The following ANKS6 variants were observed in gnomAD, a reference collection of about 807,000 sequenced individuals.
ANKS6 encodes ankyrin repeat and sterile alpha motif domain containing 6.
ANKS6 carries 47 observed loss-of-function variants against 77.9 expected under a neutral mutation model. The observed-to-expected ratio is 0.60, with a 90% CI of 0.48 to 0.77. The LOEUF (loss-of-function observed/expected upper bound fraction) is 0.77, where lower values mean the gene tolerates loss of function less well. Ranked by LOEUF, ANKS6 falls within the 30% of genes least tolerant of loss-of-function variation. The pLI is 0.00. For missense variants in ANKS6, 1,150 were observed against 1,159.1 expected (o/e 0.99, Z 0.11); for synonymous variants, 488 against 501.7 (o/e 0.97, Z 0.37).
At chr9:98,750,646 C>G (rs548665196) in intron 13 of ANKS6, among the ~76,000 whole-genome samples, 30 of 152,254 alleles carry the variant, frequency 2.0e-4, no homozygotes, top group Middle Eastern at 3.4e-3. Flanking sequence ...CTTTTAAACA[C>G]ATAGCAACTC....
In ANKS6 at chr9:98,790,308, C is replaced by T. The variant is rs200419394; in HGVS notation, c.658G>A (p.Ala220Thr). The part of the protein sequence containing the change: ...LMEWGADPNH[A>T]ARTVGWSPLM... ...GGGCTCCAGCCCACGGTCCGGGCTGCGTGGTTGGGGTCCGCGCCCCACTCC... is the reference window on the plus strand; with the variant it reads ...GGGCTCCAGCCCACGGTCCGGGCTGTGTGGTTGGGGTCCGCGCCCCACTCC... Residue 220 changes from alanine (A) to threonine (T), a missense_variant, in exon 2 of 15, where the codon GCA becomes ACA. By Grantham distance (58) the Ala-to-Thr change is moderately conservative. Transcript: ENST00000353234. The T allele has an allele frequency of 1.5e-3, 2,354 of 1,607,358 alleles. 11 individuals carry two copies. The highest frequency in any genetic ancestry group is 5.8e-3 in the African/African-American group (436 of 74,966).
At chr9:98,737,908 T>C (rs1201683171) in intron 14 of ANKS6, among the ~76,000 whole-genome samples, 2 of 152,108 alleles carry the variant, frequency 1.3e-5, no homozygotes, top group Non-Finnish European at 2.9e-5. Flanking sequence ...CGGAACAGAA[T>C]AGAGAACCCA....
rs779390616 is a variant in ANKS6, at chr9:98,732,567, G to C, written c.*3952C>G. On this transcript the variant is annotated 3_prime_UTR_variant, in exon 15 of 15. Transcript: ENST00000353234. ...ACCCAACCATGGCTACGTCAGGGCA[G>C]AAGGGAGAGAAGAAAGAGAGATGAG... is the stretch of plus-strand genomic sequence containing the variant. 4.5e-6 allele frequency: 7 copies of C among 1,550,464 alleles called. No individual in the cohort carries two copies. The African/African-American group carries it at 9.6e-5, about 21-fold the overall frequency.
chr9:98,793,316 G>T (rs766275573), intron 1 of ANKS6, among the ~76,000 whole-genome samples: 1 of 152,206 alleles, frequency 6.6e-6, no homozygotes, highest in Non-Finnish European at 1.5e-5. Context: ...CTCCCTAGGT[G>T]TGAATCTGAC....
chr9:98,791,602 C>G lies in ANKS6; in HGVS notation c.360-996G>C, dbSNP rs1293706537. The stretch of plus-strand genomic sequence containing the variant: ...CAAGCTGGAAGCGGCCCTGGACTAA[C>G]AAGAAAACAATGACAAGACAGGGGC... On this transcript the variant is annotated intron_variant, in intron 1 of 14. Transcript: ENST00000353234. The surrounding 1 kb of genome is among the most constrained non-coding windows in gnomAD (Gnocchi z 4.3). Among the ~76,000 whole-genome samples, 3 of 152,144 alleles carry G rather than the reference C, an allele frequency of 2.0e-5. No individual in the cohort carries two copies. The highest frequency in any genetic ancestry group is 4.4e-5 in the Non-Finnish European group (3 of 68,028).
chr9:98,738,366 A>T (rs1261658708), intron 14 of ANKS6, among the ~76,000 whole-genome samples: 1 of 152,212 alleles, frequency 6.6e-6, no homozygotes, highest in Non-Finnish European at 1.5e-5. Flanking sequence ...CAGAATCTAC[A>T]ATGAACTCAA....
chr9:98,769,139 A>AG (rs1554742670), intron 10 of ANKS6, among the ~76,000 whole-genome samples: 2 of 151,690 alleles, frequency 1.3e-5, no homozygotes, highest in Admixed American at 6.6e-5. Flanking sequence ...AAAAAAAAAA[A>AG]AAAGAAAGAA....
chr9:98,757,819 T>C (rs1832794814), intron 11 of ANKS6, among the ~76,000 whole-genome samples: 1 of 151,964 alleles, frequency 6.6e-6, no homozygotes, highest in African/African-American at 2.4e-5. Context: ...TCCTAGCTAC[T>C]TGGGAGGCTG....
chr9:98,734,042 C>T lies in ANKS6; in HGVS notation c.*2477G>A, dbSNP rs1007622134. 14 of 985,354 alleles carry T rather than the reference C, an allele frequency of 1.4e-5. No homozygotes were observed. The highest frequency in any genetic ancestry group is 1.4e-4 in the South Asian group (3 of 21,280). 61.0% of individuals were successfully genotyped at this position (985,354 alleles called of 1,614,324 possible). On this transcript the variant is annotated 3_prime_UTR_variant, in exon 15 of 15. Transcript: ENST00000353234. ...CACCCAACTGACCCCTCCTCCCTGA[C>T]GATCTATAACCTACATGTTCCGTGC...
chr9:98,763,786 G>A (rs965986925), intron 11 of ANKS6, among the ~76,000 whole-genome samples: 2 of 151,996 alleles, frequency 1.3e-5, no homozygotes, highest in Non-Finnish European at 2.9e-5. Flanking sequence ...GAATGAAAAA[G>A]GAGACATTCC....
intron 8 of ANKS6, among the ~76,000 whole-genome samples, chr9:98,775,062 T>C (rs1833854440): frequency 1.3e-5 from 2 of 152,180 alleles, no homozygotes; most frequent in Admixed American, 1.3e-4. Context: ...TGTCCTGCTT[T>C]TCTGAGTCTC....
At chr9:98,785,529 G>A (rs927435214) in intron 2 of ANKS6, among the ~76,000 whole-genome samples, 1 of 152,238 alleles carries the variant, frequency 6.6e-6, no homozygotes, top group African/African-American at 2.4e-5. Flanking sequence ...CTGCACAGCT[G>A]AGCCTTGCTG....
At chr9:98,745,390 G>A (rs1832068081) in intron 14 of ANKS6, among the ~76,000 whole-genome samples, 169 bp downstream of exon 14, 2 of 152,164 alleles carry the variant, frequency 1.3e-5, no homozygotes, top group African/African-American at 4.8e-5. Context: ...AGCTCTATCT[G>A]GGGAGAAACC....
At chr9:98,757,109 T>C (rs1832753165) in intron 11 of ANKS6, among the ~76,000 whole-genome samples, 1 of 152,232 alleles carries the variant, frequency 6.6e-6, no homozygotes, top group African/African-American at 2.4e-5. Flanking sequence ...TCTAGACGTA[T>C]AGAAGAGCTG....
In ANKS6 at chr9:98,756,582, G is replaced by T. The variant is rs1301387139; in HGVS notation, c.2164C>A (p.Pro722Thr). Reference protein sequence around the residue: ...VGKKLETSKRPPSGTSTTSKS... With the variant: ...VGKKLETSKRTPSGTSTTSKS... ...GAGGTAGTGGAAGTTCCAGATGGAG[G>T]CCTTTTGCTGGTCTCCAATTTCTGC... Residue 722 changes from proline (P) to threonine (T), a missense_variant, in exon 12 of 15, where the codon CCT becomes ACT. Physicochemically the swap from Pro to Thr is conservative, Grantham distance 38. Coordinates refer to ENST00000353234, the MANE Select transcript of ANKS6 (RefSeq NM_173551.5). 1 of 1,544,592 alleles carries T rather than the reference G, an allele frequency of 6.5e-7. No homozygotes were observed. The highest frequency in any genetic ancestry group is 2.1e-5 in the Admixed American group (1 of 48,684).
At chr9:98,777,010 A>G (rs1313953682) in intron 8 of ANKS6, among the ~76,000 whole-genome samples, 1 of 152,184 alleles carries the variant, frequency 6.6e-6, no homozygotes, top group Non-Finnish European at 1.5e-5. Context: ...ATCCTAATAC[A>G]TCTCTAAGTT....
At chr9:98,758,324 C>CTTTTT (rs35699060) in intron 11 of ANKS6, among the ~76,000 whole-genome samples, 5 of 134,854 alleles carry the variant, frequency 3.7e-5, no homozygotes, top group Admixed American at 7.6e-5. Flanking sequence ...CGCCATCTTT[C>CTTTTT]TTTTTTTTTT....
At chr9:98,741,524 A>T (rs1178331464) in intron 14 of ANKS6, among the ~76,000 whole-genome samples, 1 of 152,222 alleles carries the variant, frequency 6.6e-6, no homozygotes, top group African/African-American at 2.4e-5. Flanking sequence ...GTGATTTCTT[A>T]AAAAAATTCT....
At position 98,790,149 on chromosome 9, in the gene ANKS6, G is replaced by A. The variant is rs1212788347; in HGVS notation, c.817C>T (p.Leu273Phe). 2 of 1,586,422 alleles carry A rather than the reference G, an allele frequency of 1.3e-6. No homozygotes were observed. Among genetic ancestry groups the A allele is most frequent in the African/African-American group, 2.7e-5 (2 of 74,512 alleles). Residue 273 changes from leucine (L) to phenylalanine (F), a missense_variant, in exon 2 of 15, where the codon CTT becomes TTT. Transcript: ENST00000353234. Reference protein sequence around the residue: ...EVALDCKHRDLVDYLDPLTTV... With the variant: ...EVALDCKHRDFVDYLDPLTTV... ...GTCAGCGGGTCCAGGTAGTCTACAAGGTCCCTGTGCTTGCAGTCCAGTGCA... is the reference window on the plus strand; with the variant it reads ...GTCAGCGGGTCCAGGTAGTCTACAAAGTCCCTGTGCTTGCAGTCCAGTGCA...
Sources: gnomAD v4.1 joint callset for allele counts (sites outside exome capture counted in the v4.1 genomes callset) on GRCh38, gnomAD v4.1.1 for gene constraint, Gnocchi (gnomAD v3.1) non-coding constraint, MANE v1.5 for transcripts, NCBI Gene and HGNC (gene_info 2026-07-23, HGNC 2026-07-21) for gene names.